GALNT16: variants seen among roughly 807,000 people sequenced by gnomAD.
GALNT16 encodes the protein polypeptide N-acetylgalactosaminyltransferase 16.
GALNT16 carries 40 observed loss-of-function variants against 76.1 expected under a neutral mutation model. The ratio of observed to expected loss-of-function variants is 0.53; its 90% CI spans 0.41 to 0.68. GALNT16 has a LOEUF of 0.68. Among genes scored for constraint, GALNT16 ranks in the 30% least tolerant of loss-of-function variants. GALNT16 has a pLI of 0.00. For missense variants in GALNT16, 621 were observed against 731.9 expected (o/e 0.85, Z 1.75); for synonymous variants, 276 against 285.2 (o/e 0.97, Z 0.32).
intron 1 of GALNT16, among the ~76,000 whole-genome samples, chr14:69,269,554 G>A (rs1177458409): frequency 2.7e-5 from 4 of 150,200 alleles, no homozygotes; most frequent in Non-Finnish European, 5.9e-5. Context: ...TGTGATGTGA[G>A]GTTTGTGTGT....
Position 69,320,687 on chromosome 14 carries a change from C to T in GALNT16, c.178-24C>T, listed in dbSNP as rs960885555. ...GTGGGGTCCTCCTGCCTGTGGTCCT[C>T]TCTGATGCTGACCTTCATCTCAGGT... On this transcript the variant is annotated intron_variant, in intron 1 of 14. Transcript: ENST00000448469. The T allele has an allele frequency of 5.0e-6, 8 of 1,609,240 alleles. No homozygotes were observed. The East Asian group carries it at 1.8e-4, about 36-fold the overall frequency.
the GALNT16 span, among the ~76,000 whole-genome samples, chr14:69,377,189 A>G: frequency 6.6e-6 from 1 of 152,322 alleles, no homozygotes; most frequent in South Asian, 2.1e-4. Context: ...GATTGAGTCT[A>G]AAAAGGTCCC....
intron 1 of GALNT16, among the ~76,000 whole-genome samples, chr14:69,295,729 T>A (rs765774037): frequency 1.3e-5 from 2 of 152,034 alleles, no homozygotes; most frequent in African/African-American, 4.8e-5. Context: ...CAAAAAAAAT[T>A]AAAAAATTAA....
chr14:69,346,236 T>C (rs1005657565), intron 12 of GALNT16, among the ~76,000 whole-genome samples: 1 of 152,194 alleles, frequency 6.6e-6, no homozygotes, highest in Non-Finnish European at 1.5e-5. Flanking sequence ...ATCGTATGGA[T>C]GAATCCGAAT....
At position 69,347,184 on chromosome 14, in the gene GALNT16, A is replaced by G. The variant is rs765455932; in HGVS notation, c.1413+3A>G. On this transcript the variant is annotated splice_donor_region_variant and intron_variant, in intron 13 of 14. Coordinates refer to ENST00000448469, the MANE Select transcript of GALNT16 (RefSeq NM_001168368.2). ...CCAAGAACCCGCAGCCCGCCCAGGTAAGGACCTCGGGTAGGAATGGGAGTG... is the reference window on the plus strand; with the variant it reads ...CCAAGAACCCGCAGCCCGCCCAGGTGAGGACCTCGGGTAGGAATGGGAGTG... The G allele has an allele frequency of 6.2e-7, 1 of 1,603,384 alleles. No homozygotes were observed. Among genetic ancestry groups the G allele is most frequent in the African/African-American group, 1.3e-5 (1 of 74,880 alleles).
At chr14:69,285,531 G>A (rs576150196) in intron 1 of GALNT16, among the ~76,000 whole-genome samples, 3 of 152,216 alleles carry the variant, frequency 2.0e-5, no homozygotes, top group South Asian at 2.1e-4. Flanking sequence ...CATCACACAC[G>A]GAAGCAGGAT....
chr14:69,322,974 GTGTGTGTGCGCGCGCACGCGCGCACGCA>G (rs71102644), intron 2 of GALNT16, among the ~76,000 whole-genome samples: 11,022 of 65,260 alleles, frequency 0.17, 814 homozygotes, highest in African/African-American at 0.23. Flanking sequence ...GTGTGTGTGT[GTGTGTGTGCGCGCGCACGCGCGCACGCA>G]TGCACACGTG....
intron 1 of GALNT16, among the ~76,000 whole-genome samples, chr14:69,294,567 T>C (rs1247093851): frequency 1.3e-5 from 2 of 152,130 alleles, no homozygotes; most frequent in African/African-American, 2.4e-5. Context: ...GTTTCTGTTA[T>C]CCCAAAAGGA....
intron 4 of GALNT16, among the ~76,000 whole-genome samples, 184 bp from the exon 5 acceptor site, chr14:69,325,778 C>T (rs1311805328): frequency 6.6e-6 from 1 of 152,192 alleles, no homozygotes; most frequent in Non-Finnish European, 1.5e-5. Context: ...TACAGGCACT[C>T]CTCAGTCTGG....
intron 1 of GALNT16, among the ~76,000 whole-genome samples, chr14:69,313,416 G>A (rs1006317084): frequency 7.9e-5 from 12 of 152,328 alleles, no homozygotes; most frequent in South Asian, 6.2e-4. Flanking sequence ...GAGGACCCTC[G>A]GGTCTGAGCA....
intron 14 of GALNT16, 81 bp from the exon 15 acceptor site, chr14:69,351,950 C>T (rs1216109035): frequency 1.5e-6 from 2 of 1,332,902 alleles, no homozygotes; most frequent in East Asian, 2.3e-5. Flanking sequence ...TGTGTGCATA[C>T]ATGTGGAATG....
intron 12 of GALNT16, among the ~76,000 whole-genome samples, chr14:69,342,483 A>AGGGG (rs2045502691): frequency 4.4e-5 from 1 of 22,526 alleles, no homozygotes; most frequent in African/African-American, 1.6e-4. Context: ...GAAGGGAGGG[A>AGGGG]GGGAGGGAGG....
At chr14:69,375,729 G>C in the GALNT16 span, among the ~76,000 whole-genome samples, 68 of 152,256 alleles carry the variant, frequency 4.5e-4, no homozygotes, top group East Asian at 0.013. Flanking sequence ...GAACTTCTGG[G>C]CCTGAGTGAT....
intron 1 of GALNT16, among the ~76,000 whole-genome samples, chr14:69,295,485 C>T (rs939978753): frequency 1.2e-4 from 18 of 150,550 alleles, no homozygotes; most frequent in Admixed American, 2.7e-4. Flanking sequence ...TTTGGGAGGC[C>T]GAGGTGGGCA....
chr14:69,286,457 C>T (rs1181975602), intron 1 of GALNT16, among the ~76,000 whole-genome samples: 1 of 152,048 alleles, frequency 6.6e-6, no homozygotes, highest in Non-Finnish European at 1.5e-5. Flanking sequence ...GTGCCTGCCA[C>T]CACGCCTGGC....
the GALNT16 span, among the ~76,000 whole-genome samples, chr14:69,382,794 G>GAA: frequency 1.2e-3 from 146 of 120,082 alleles, no homozygotes; most frequent in African/African-American, 2.1e-3. Context: ...ATCTCCAAAA[G>GAA]AAAAAAAAAA....
chr14:69,262,922 C>A (rs2044295604), intron 1 of GALNT16, among the ~76,000 whole-genome samples: 1 of 150,968 alleles, frequency 6.6e-6, no homozygotes, highest in Admixed American at 6.6e-5. Context: ...CTCTGTCACC[C>A]AGGCTGGAGT....
chr14:69,285,662 G>T (rs145237236), intron 1 of GALNT16, among the ~76,000 whole-genome samples: 2 of 152,230 alleles, frequency 1.3e-5, no homozygotes, highest in African/African-American at 4.8e-5. Context: ...TGTGGCAGTC[G>T]CATGGAGAAA....
chr14:69,285,700 G>T (rs892164933), intron 1 of GALNT16, among the ~76,000 whole-genome samples: 2 of 152,168 alleles, frequency 1.3e-5, no homozygotes, highest in African/African-American at 2.4e-5. Context: ...AGAGAAAGAG[G>T]GTCTTGTGAG....
Sources: allele counts gnomAD v4.1 joint callset (sites outside exome capture counted in the v4.1 genomes callset), GRCh38; gene constraint gnomAD v4.1.1; transcripts MANE v1.5; gene names NCBI Gene and HGNC (gene_info 2026-07-23, HGNC 2026-07-21).